The following COL24A1 variants were observed in gnomAD, a reference collection of about 807,000 sequenced individuals.
COL24A1 encodes the protein collagen type XXIV alpha 1 chain, also known as collagen alpha-1(XXIV) chain.
In COL24A1, 224 loss-of-function variants were observed where a neutral mutation model predicts 253.9. The ratio of observed to expected loss-of-function variants is 0.88; its 90% CI spans 0.79 to 0.99. COL24A1 has a LOEUF of 0.99. Ranked by LOEUF, COL24A1 falls within the 50% of genes least tolerant of loss-of-function variation. COL24A1 has a pLI of 0.00. For missense variants in COL24A1, 2,131 were observed against 2,068.5 expected, an observed-to-expected ratio of 1.03 and a Z score of -0.59; for synonymous variants, 685 against 673.7, an observed-to-expected ratio of 1.02 and a Z score of -0.26.
chr1:85,760,699 T>G lies in COL24A1; in HGVS notation c.4437+697A>C, dbSNP rs17128234. Among the ~76,000 whole-genome samples the G allele has an allele frequency of 9.2e-3, 1,406 of 152,252 alleles. 57 individuals are homozygous for G. Among genetic ancestry groups the G allele is most frequent in the Admixed American group, 0.062 (953 of 15,292 alleles). ...GTAGATCCATGTTAGGCAGAAAATGTGACCAAGGACCACTGTATTTGACCA... is the reference window on the plus strand; with the variant it reads ...GTAGATCCATGTTAGGCAGAAAATGGGACCAAGGACCACTGTATTTGACCA... On this transcript the variant is annotated intron_variant, in intron 55 of 59. Transcript: ENST00000370571.
chr1:85,806,075 C>CA lies in COL24A1; in HGVS notation c.3951+10712dup, dbSNP rs59669169. 2.7e-3 allele frequency among the ~76,000 whole-genome samples: 255 copies of CA among 95,048 alleles called. 2 individuals are homozygous for CA. The highest frequency in any genetic ancestry group is 0.013 in the East Asian group (45 of 3,468). 62.4% of individuals were successfully genotyped at this position (95,048 alleles called of 152,430 possible). On this transcript the variant is annotated intron_variant, in intron 47 of 59. Transcript: ENST00000370571. ...TGGGCGACAGAGCGAGACTCCGTCT[C>CA]AAAAAAAAAAAAAAAAAAGAAAATG...
chr1:86,028,201 C>T (rs557534636), intron 14 of COL24A1, among the ~76,000 whole-genome samples: 8 of 152,096 alleles, frequency 5.3e-5, no homozygotes, highest in South Asian at 2.1e-4. Flanking sequence ...TTTGGGTTAA[C>T]GCTGGAATGA....
At chr1:85,781,181 A>G (rs538395052) in intron 52 of COL24A1, 39 bp downstream of exon 52, 51 of 1,443,084 alleles carry the variant, frequency 3.5e-5, no homozygotes, top group Non-Finnish European at 4.8e-5. Context: ...AATTAAAGAA[A>G]AAAAAGAGTA....
chr1:86,135,143 T>G (rs1314025619), intron 2 of COL24A1, among the ~76,000 whole-genome samples: 3 of 146,072 alleles, frequency 2.1e-5, no homozygotes, highest in Non-Finnish European at 4.5e-5. Flanking sequence ...TGGTTTAAAG[T>G]CTGTTTTATC....
At chr1:85,954,731 T>A (rs1690258539) in intron 24 of COL24A1, among the ~76,000 whole-genome samples, 1 of 152,176 alleles carries the variant, frequency 6.6e-6, no homozygotes, top group Non-Finnish European at 1.5e-5. Context: ...TACTACCCCC[T>A]ATTACATAGA....
intron 23 of COL24A1, among the ~76,000 whole-genome samples, chr1:85,964,284 T>C (rs1416964993): frequency 1.3e-5 from 2 of 152,130 alleles, no homozygotes; most frequent in Admixed American, 1.3e-4. Flanking sequence ...TTTGTTGGTG[T>C]TATAAAAATT....
At chr1:85,925,362 C>A (rs907311768) in intron 24 of COL24A1, among the ~76,000 whole-genome samples, 1 of 152,120 alleles carries the variant, frequency 6.6e-6, no homozygotes, top group African/African-American at 2.4e-5. Context: ...CCCGCATTGC[C>A]AAGTCAATCC....
At chr1:85,767,156 A>T (rs1243871914) in intron 53 of COL24A1, among the ~76,000 whole-genome samples, 1 of 151,876 alleles carries the variant, frequency 6.6e-6, no homozygotes, top group Non-Finnish European at 1.5e-5. Context: ...CCAATTTGAT[A>T]GATTGTTGTG....
At chr1:86,097,650 C>CCTCCTCCTCCCCTT (rs1704108592) in intron 5 of COL24A1, among the ~76,000 whole-genome samples, 1 of 137,554 alleles carries the variant, frequency 7.3e-6, no homozygotes, top group Non-Finnish European at 1.6e-5. Flanking sequence ...TCTTCCTCCT[C>CCTCCTCCTCCCCTT]CTCCTCCTCC....
chr1:85,956,596 G>A (rs1427676844), intron 24 of COL24A1, among the ~76,000 whole-genome samples: 2 of 152,226 alleles, frequency 1.3e-5, no homozygotes, highest in African/African-American at 4.8e-5. Context: ...ATGAAACAAT[G>A]TGGCCAGACT....
At chr1:85,759,638 T>C (rs1666637109) in intron 55 of COL24A1, among the ~76,000 whole-genome samples, 1 of 152,212 alleles carries the variant, frequency 6.6e-6, no homozygotes, top group Admixed American at 6.5e-5. Flanking sequence ...CTAGCATTTA[T>C]TGAGTAGTTA....
chr1:86,120,697 G>C (rs1706661095), intron 3 of COL24A1, among the ~76,000 whole-genome samples: 1 of 152,218 alleles, frequency 6.6e-6, no homozygotes, highest in African/African-American at 2.4e-5. Flanking sequence ...GTTGATGGGA[G>C]TGTAAACTAG....
chr1:86,151,133 T>C (rs1025974766), intron 1 of COL24A1, among the ~76,000 whole-genome samples: 4 of 152,156 alleles, frequency 2.6e-5, no homozygotes, highest in African/African-American at 4.8e-5. Context: ...ATATAAAGCG[T>C]TTGTTATTTA....
intron 31 of COL24A1, among the ~76,000 whole-genome samples, chr1:85,890,666 A>T (rs763377360): frequency 6.6e-6 from 1 of 152,076 alleles, no homozygotes; most frequent in African/African-American, 2.4e-5. Flanking sequence ...CTATATTGTG[A>T]CAAATAATTA....
chr1:86,066,289 A>T (rs1289829583), intron 7 of COL24A1, among the ~76,000 whole-genome samples: 6 of 121,926 alleles, frequency 4.9e-5, no homozygotes, highest in Non-Finnish European at 9.4e-5. Context: ...CTCAGGCTGG[A>T]GTGCAGTGGC....
intron 2 of COL24A1, among the ~76,000 whole-genome samples, chr1:86,129,488 GAAT>G (rs1648827739): frequency 6.6e-6 from 1 of 151,166 alleles, no homozygotes; most frequent in Non-Finnish European, 1.5e-5. Flanking sequence ...CTCTGAAGAT[GAAT>G]AATTAGTCCT....
At chr1:85,788,478 G>T (rs943896791) in intron 47 of COL24A1, among the ~76,000 whole-genome samples, 1 of 152,150 alleles carries the variant, frequency 6.6e-6, no homozygotes, top group African/African-American at 2.4e-5. Flanking sequence ...TTTGTCAGAT[G>T]GTTAGATTGC....
At chr1:86,143,208 A>C (rs1356748044) in intron 2 of COL24A1, among the ~76,000 whole-genome samples, 1 of 152,170 alleles carries the variant, frequency 6.6e-6, no homozygotes, top group African/African-American at 2.4e-5. Flanking sequence ...AAATGACATA[A>C]GACTTCCAAG....
chr1:85,865,950 G>A (rs1251113944), intron 37 of COL24A1, among the ~76,000 whole-genome samples: 1 of 152,178 alleles, frequency 6.6e-6, no homozygotes, highest in Non-Finnish European at 1.5e-5. Flanking sequence ...ATGGGTAAGC[G>A]AGGCTTAGAA....
Sources: gnomAD v4.1 joint callset for allele counts (sites outside exome capture counted in the v4.1 genomes callset) on GRCh38, gnomAD v4.1.1 for gene constraint, MANE v1.5 for transcripts, NCBI Gene and HGNC (gene_info 2026-07-23, HGNC 2026-07-21) for gene names.